SYNE1: variants seen among roughly 807,000 people sequenced by gnomAD.
The protein encoded by SYNE1 is nesprin-1.
Under a neutral mutation model 1,111.0 loss-of-function variants are expected in SYNE1, and 616 were observed. That is an observed-to-expected ratio of 0.55 (90% CI 0.52 to 0.59). The LOEUF (loss-of-function observed/expected upper bound fraction) is 0.59, where lower values mean the gene tolerates loss of function less well. Ranked by LOEUF, SYNE1 falls within the 20% of genes least tolerant of loss-of-function variation. SYNE1 has a pLI of 0.00. For synonymous variants in SYNE1, 3,855 were observed against 3,825.8 expected, an observed-to-expected ratio of 1.01 and a Z score of -0.28; for missense variants, 10,006 against 10,417.0, an observed-to-expected ratio of 0.96 and a Z score of 1.72.
chr6:152,319,816 A>G (rs1472023), intron 84 of SYNE1: 29,094 of 152,144 alleles, frequency 0.19, 3,282 homozygotes, highest in East Asian at 0.51. Context: ...TAGGAAAATT[A>G]ATCCAGAGAA....
In SYNE1 at chr6:152,453,323, C is replaced by G. The variant is rs949313266; in HGVS notation, c.3027+263G>C. ...TAGAATAAGTTAAATGTTCTTGCAC[C>G]CTGGATTAAAAAAAAATCAGGAAAC... is the stretch of plus-strand genomic sequence containing the variant. On this transcript the variant is annotated intron_variant, in intron 25 of 145. Coordinates refer to ENST00000367255, the MANE Select transcript of SYNE1 (RefSeq NM_182961.4). 37 of 594,336 alleles carry G rather than the reference C, an allele frequency of 6.2e-5. No homozygotes were observed. The Admixed American group carries it at 6.4e-4, about 10-fold the overall frequency. The allele number at this position is 594,336 out of a possible 1,614,324, so 36.8% of individuals were successfully genotyped here. A position where few individuals can be genotyped will look rare whatever the true frequency, so the allele number is the denominator to read the frequency against.
At chr6:152,351,431 T>C (rs1276985852) in intron 70 of SYNE1, among the ~76,000 whole-genome samples, 1 of 152,228 alleles carries the variant, frequency 6.6e-6, no homozygotes, top group Non-Finnish European at 1.5e-5. Flanking sequence ...ATCAAATTTA[T>C]AACACAAATT....
intron 45 of SYNE1, among the ~76,000 whole-genome samples, chr6:152,406,481 TGCA>T (rs1378766189): frequency 9.3e-6 from 1 of 107,920 alleles, no homozygotes; most frequent in East Asian, 4.6e-4. Context: ...TAGATAAAAA[TGCA>T]AAAAAAAAAA....
chr6:152,310,422 G>C lies in SYNE1; in HGVS notation c.16993C>G (p.Leu5665Val), dbSNP rs768516571. The C allele has an allele frequency of 1.2e-6, 2 of 1,614,158 alleles. No homozygotes were observed. Among genetic ancestry groups the C allele is most frequent in the Non-Finnish European group, 1.7e-6 (2 of 1,180,034 alleles). Reference protein sequence around the residue: ...LTSPEVGRLSLKEQLSHRQHL... With the variant: ...LTSPEVGRLSVKEQLSHRQHL... ...TGCCGATGAGAGAGCTGCTCCTTGA[G>C]ACTGAGACGTCCAACTTCTGGAGAA... The change falls in exon 89 of 146, where the codon CTC becomes GTC. Residue 5665 changes from leucine to valine, a missense_variant. By Grantham distance (32) the Leu-to-Val change is conservative (BLOSUM62 1). Transcript: ENST00000367255.
intron 59 of SYNE1, among the ~76,000 whole-genome samples, chr6:152,372,338 T>C (rs1563468107): frequency 1.3e-5 from 2 of 152,220 alleles, no homozygotes; most frequent in Non-Finnish European, 2.9e-5. Context: ...TTACTGAATA[T>C]TATTTCTCTA....
intron 91 of SYNE1, chr6:152,302,366 T>G: frequency 2.1e-6 from 1 of 482,996 alleles, no homozygotes; most frequent in Non-Finnish European, 3.8e-6. Context: ...TATGGAATCA[T>G]GAACTTCCGC....
At chr6:152,499,703 T>C (rs2099018510) in intron 10 of SYNE1, among the ~76,000 whole-genome samples, 1 of 152,166 alleles carries the variant, frequency 6.6e-6, no homozygotes, top group African/African-American at 2.4e-5. Flanking sequence ...ATTCAAAATA[T>C]TCAGTTTTAG....
intron 3 of SYNE1, among the ~76,000 whole-genome samples, chr6:152,549,048 A>G (rs1434539928): frequency 6.6e-5 from 10 of 152,316 alleles, no homozygotes; most frequent in African/African-American, 2.4e-4. Flanking sequence ...AGAACTAACC[A>G]CCAGGCACGT....
At chr6:152,498,824 A>G (rs926022398) in intron 10 of SYNE1, 32 bp from the exon 11 acceptor site, 2 of 1,274,134 alleles carry the variant, frequency 1.6e-6, no homozygotes, top group African/African-American at 1.5e-5. Flanking sequence ...ATATAGAAAT[A>G]TAATATAAAT....
intron 3 of SYNE1, among the ~76,000 whole-genome samples, chr6:152,549,165 G>T (rs747029082): frequency 3.9e-4 from 59 of 152,184 alleles, no homozygotes; most frequent in South Asian, 1.0e-3. Context: ...CTTCGAGACT[G>T]ATGTGTCTGA....
intron 8 of SYNE1, among the ~76,000 whole-genome samples, chr6:152,507,067 C>T (rs1302699472): frequency 6.6e-6 from 1 of 152,164 alleles, no homozygotes; most frequent in Non-Finnish European, 1.5e-5. Flanking sequence ...AATTTTCAAG[C>T]TTGTCTCTGG....
chr6:152,492,547 C>T (rs185707731), intron 11 of SYNE1, among the ~76,000 whole-genome samples: 55 of 152,332 alleles, frequency 3.6e-4, no homozygotes, highest in Non-Finnish European at 6.9e-4. Context: ...CCTCCTAAGC[C>T]ATGTCCCACT....
Position 152,122,079 on chromosome 6 carries a change from GGGAAAGC to G in SYNE1, c.*350_*356del. On this transcript the variant is annotated 3_prime_UTR_variant, in exon 146 of 146. Coordinates refer to ENST00000367255, the MANE Select transcript of SYNE1 (RefSeq NM_182961.4). ...TATCTGATGGTTGGAGCAGCACCAT[GGGAAAGC>G]TGCCCAGATGGTCTACTGAAGTCCT... The G allele has an allele frequency of 1.7e-5, 6 of 354,272 alleles. No individual in the cohort carries two copies. Among genetic ancestry groups the G allele is most frequent in the East Asian group, 6.7e-5 (1 of 14,932 alleles). 21.9% of individuals were successfully genotyped at this position (354,272 alleles called of 1,614,324 possible).
chr6:152,271,229 T>C (rs2093180113), intron 98 of SYNE1, among the ~76,000 whole-genome samples: 1 of 152,240 alleles, frequency 6.6e-6, no homozygotes, highest in African/African-American at 2.4e-5. Flanking sequence ...TTTACCTTTC[T>C]GTTTCTTCTT....
intron 3 of SYNE1, among the ~76,000 whole-genome samples, chr6:152,580,190 T>G (rs1326066969): frequency 6.6e-6 from 1 of 152,202 alleles, no homozygotes; most frequent in Admixed American, 6.5e-5. Context: ...ATTTCTTGAC[T>G]TTTTAGTAAT....
chr6:152,394,576 G>C (rs2097701327), intron 51 of SYNE1, among the ~76,000 whole-genome samples: 1 of 151,892 alleles, frequency 6.6e-6, no homozygotes, highest in Non-Finnish European at 1.5e-5. Context: ...CTTTGCCTGG[G>C]AAAGGAGCCA....
chr6:152,256,337 G>A (rs1451757781), intron 102 of SYNE1, among the ~76,000 whole-genome samples: 1 of 150,960 alleles, frequency 6.6e-6, no homozygotes, highest in Non-Finnish European at 1.5e-5. Flanking sequence ...GGGTGAGACA[G>A]GAGAATCCCT....
At chr6:152,337,729 T>G (rs181411240) in intron 75 of SYNE1, among the ~76,000 whole-genome samples, 1 of 152,380 alleles carries the variant, frequency 6.6e-6, no homozygotes, top group African/African-American at 2.4e-5. Context: ...TTATTCTCTG[T>G]TGCACATTTG....
intron 27 of SYNE1, among the ~76,000 whole-genome samples, chr6:152,450,173 A>G (rs1229015998): frequency 6.6e-6 from 1 of 152,200 alleles, no homozygotes; most frequent in Non-Finnish European, 1.5e-5. Flanking sequence ...TGATGGTTTC[A>G]TAAGGGGCTT....
Sources: gnomAD v4.1 joint callset for allele counts (sites outside exome capture counted in the v4.1 genomes callset) on GRCh38, gnomAD v4.1.1 for gene constraint, MANE v1.5 for transcripts, NCBI Gene and HGNC (gene_info 2026-07-23, HGNC 2026-07-21) for gene names.